The following BRAF variants were observed in gnomAD, a reference collection of about 807,000 sequenced individuals.
The protein encoded by BRAF is serine/threonine-protein kinase B-raf.
BRAF carries 16 observed loss-of-function variants against 104.6 expected under a neutral mutation model. That is an observed-to-expected ratio of 0.15 (90% CI 0.10 to 0.23). The LOEUF is 0.23. Ranked by LOEUF, BRAF falls within the 10% of genes least tolerant of loss-of-function variation. The probability of loss-of-function intolerance (pLI) is 1.00; values close to 1 mark genes in which losing one functional copy is unlikely to be tolerated. For missense variants in BRAF, 541 were observed against 937.3 expected (o/e 0.58, Z 5.52); for synonymous variants, 310 against 341.6 (o/e 0.91, Z 1.02).
intron 2 of BRAF, among the ~76,000 whole-genome samples, chr7:140,840,622 C>G (rs1807851169): frequency 6.6e-6 from 1 of 151,786 alleles, no homozygotes; most frequent in Non-Finnish European, 1.5e-5. Flanking sequence ...AAATCCCCAT[C>G]TCTACAAAAA....
At chr7:140,768,211 T>A (rs1799511761) in intron 14 of BRAF, among the ~76,000 whole-genome samples, 1 of 152,132 alleles carries the variant, frequency 6.6e-6, no homozygotes. Flanking sequence ...TATGTTTACA[T>A]TTTCTGAATT....
intron 15 of BRAF, 106 bp downstream of exon 14, chr7:140,754,081 A>G (rs1562941538): frequency 8.8e-6 from 10 of 1,133,696 alleles, no homozygotes; most frequent in Non-Finnish European, 8.0e-6. Context: ...TCTTTACAGT[A>G]TATCGAACTT....
intron 16 of BRAF, among the ~76,000 whole-genome samples, chr7:140,752,269 T>C (rs534491567): frequency 1.3e-5 from 2 of 152,272 alleles, no homozygotes; most frequent in Non-Finnish European, 2.9e-5. Flanking sequence ...TGGGATCAAG[T>C]GATCCTCCTG....
Position 140,722,285 on chromosome 7 carries a change from CTA to C in BRAF, c.*4207_*4208del. On this transcript the variant is annotated 3_prime_UTR_variant, in exon 20 of 20. Transcript: ENST00000644969. ...TTCTCATTGTTAAATGTGATTTTGG[CTA>C]TAAACTCTTTAGTGCATTTACCTAT... is the stretch of plus-strand genomic sequence containing the variant. 9.5e-7 allele frequency: 1 copy of C among 1,055,840 alleles called. No individual in the cohort carries two copies. Among genetic ancestry groups the C allele is most frequent in the Non-Finnish European group, 1.1e-6 (1 of 873,366 alleles). The allele number at this position is 1,055,840 out of a possible 1,614,324, so 65.4% of individuals were successfully genotyped here. A position where few individuals can be genotyped will look rare whatever the true frequency, so the allele number is the denominator to read the frequency against.
chr7:140,758,734 T>C (rs1415688024), intron 14 of BRAF, among the ~76,000 whole-genome samples: 2 of 152,294 alleles, frequency 1.3e-5, no homozygotes, highest in South Asian at 2.1e-4. Flanking sequence ...GAATTATAGG[T>C]GTAAGCCATC....
At chr7:140,865,789 G>A (rs1469087781) in intron 1 of BRAF, among the ~76,000 whole-genome samples, 2 of 152,160 alleles carry the variant, frequency 1.3e-5, no homozygotes, top group Non-Finnish European at 2.9e-5. Flanking sequence ...GTGAGAAGTA[G>A]AAATAGAGAA....
chr7:140,818,209 T>A (rs1455138744), intron 3 of BRAF, among the ~76,000 whole-genome samples: 2 of 152,166 alleles, frequency 1.3e-5, no homozygotes, highest in African/African-American at 4.8e-5. Context: ...TACTTCTATG[T>A]ATAATATGAA....
chr7:140,799,907 T>G, intron 7 of BRAF: 1 of 305,624 alleles, frequency 3.3e-6, no homozygotes, highest in Non-Finnish European at 6.2e-6. Context: ...CAAAATGATC[T>G]GTTGCATGAT....
Position 140,800,320 on chromosome 7 carries a change from G to A in BRAF, c.980+42C>T, listed in dbSNP as rs552021308. 2.5e-5 allele frequency: 40 copies of A among 1,613,470 alleles called. No homozygotes were observed. The South Asian group carries it at 4.2e-4, about 17-fold the overall frequency. On this transcript the variant is annotated intron_variant, in intron 7 of 19. Transcript: ENST00000644969. ...TAACCAGGAGATCCAAAAGAAAGCG[G>A]TTCAAGTAGCATGTCGCCCAAGAGC... is the stretch of plus-strand genomic sequence containing the variant.
chr7:140,809,941 C>A (rs1324191117), intron 3 of BRAF, among the ~76,000 whole-genome samples: 1 of 152,154 alleles, frequency 6.6e-6, no homozygotes, highest in Non-Finnish European at 1.5e-5. Context: ...CCTCATCCCC[C>A]ACAGGCAAAT....
intron 1 of BRAF, among the ~76,000 whole-genome samples, chr7:140,911,392 A>G (rs564108900): frequency 3.9e-4 from 59 of 152,362 alleles, no homozygotes; most frequent in African/African-American, 1.4e-3. Flanking sequence ...ATCATCACAG[A>G]AAGTATGACT....
At chr7:140,808,453 ATT>A (rs529617801) in intron 4 of BRAF, 122 of 284,190 alleles carry the variant, frequency 4.3e-4, no homozygotes, top group South Asian at 1.8e-3. Context: ...CCCCAAAATA[ATT>A]TTTTTTTTTT....
chr7:140,766,911 T>G (rs1386846120), intron 14 of BRAF, among the ~76,000 whole-genome samples: 2 of 152,174 alleles, frequency 1.3e-5, no homozygotes, highest in Non-Finnish European at 2.9e-5. Context: ...CAAGCTGGTC[T>G]CCAACTCCTG....
At chr7:140,728,904 T>G (rs915558695) in intron 19 of BRAF, among the ~76,000 whole-genome samples, 7 of 151,836 alleles carry the variant, frequency 4.6e-5, no homozygotes, top group African/African-American at 1.7e-4. Flanking sequence ...CAAATGTTAA[T>G]ATACTACATT....
At chr7:140,884,429 A>ATGTGTGTGTGTGTGTGTG (rs71170770) in intron 1 of BRAF, among the ~76,000 whole-genome samples, 129 of 127,516 alleles carry the variant, frequency 1.0e-3, no homozygotes, top group African/African-American at 1.4e-3. Flanking sequence ...TATATAAGAT[A>ATGTGTGTGTGTGTGTGTG]TGTGTGTGTG....
In BRAF at chr7:140,924,022, G is replaced by A. The variant is rs1818561418; in HGVS notation, c.138+544C>T. Among the ~76,000 whole-genome samples the A allele has an allele frequency of 6.6e-6, 1 of 152,142 alleles. No individual in the cohort carries two copies. The highest frequency in any genetic ancestry group is 6.5e-5 in the Admixed American group (1 of 15,270). ...CAAAATAATTTGCTGGGTAAAACAG[G>A]TGAAGAGAAATCCCCAAATAGAAAA... On this transcript the variant is annotated intron_variant, in intron 1 of 19. Coordinates refer to ENST00000644969, the MANE Select transcript of BRAF (RefSeq NM_001374258.1). This position sits in a 1 kb window ranked among gnomAD's most constrained non-coding sequence, Gnocchi z 4.2.
intron 1 of BRAF, among the ~76,000 whole-genome samples, chr7:140,888,800 A>G (rs1203176076): frequency 6.6e-6 from 1 of 151,914 alleles, no homozygotes; most frequent in Admixed American, 6.6e-5. Flanking sequence ...GCGCCATTGC[A>G]CTATAGCCTG....
rs139011207 is a variant in BRAF, at chr7:140,813,238, T to C, written c.505-4243A>G. Among the ~76,000 whole-genome samples the C allele has an allele frequency of 4.9e-3, 751 of 152,150 alleles. 5 individuals carry two copies. Among genetic ancestry groups the C allele is most frequent in the Non-Finnish European group, 7.3e-3 (499 of 67,996 alleles). Reference sequence around the variant, plus strand: ...AACCCAAGAGAAAAAGGGAAAAATATATGAGAGACAGGTCCCAGAAACAGA... The same window carrying C: ...AACCCAAGAGAAAAAGGGAAAAATACATGAGAGACAGGTCCCAGAAACAGA... On this transcript the variant is annotated intron_variant, in intron 3 of 19. Transcript: ENST00000644969.
chr7:140,859,834 C>G (rs890826284), intron 1 of BRAF, among the ~76,000 whole-genome samples: 1 of 152,010 alleles, frequency 6.6e-6, no homozygotes, highest in East Asian at 1.9e-4. Context: ...ACTACAGGTG[C>G]ACACCACCAT....
Sources: gnomAD v4.1 joint callset for allele counts (sites outside exome capture counted in the v4.1 genomes callset) on GRCh38, gnomAD v4.1.1 for gene constraint, Gnocchi (gnomAD v3.1) non-coding constraint, MANE v1.5 for transcripts, NCBI Gene and HGNC (gene_info 2026-07-23, HGNC 2026-07-21) for gene names.